NRXN3: variants seen among roughly 807,000 people sequenced by gnomAD.
NRXN3 encodes the protein neurexin III.
A neutral mutation model predicts 137.6 loss-of-function variants in NRXN3; 32 were observed. That is an observed-to-expected ratio of 0.23 (90% CI 0.18 to 0.31). The LOEUF (loss-of-function observed/expected upper bound fraction) is 0.31. Among genes scored for constraint, NRXN3 ranks in the 10% least tolerant of loss-of-function variants. NRXN3 has a pLI of 1.00. For synonymous variants in NRXN3, 798 were observed against 784.5 expected (o/e 1.02, Z -0.29); for missense variants, 1,574 against 2,062.5 (o/e 0.76, Z 4.59).
intron 4 of NRXN3, among the ~76,000 whole-genome samples, chr14:78,579,675 C>T (rs1181478536): frequency 1.3e-5 from 2 of 152,172 alleles, no homozygotes; most frequent in Non-Finnish European, 1.5e-5. Context: ...AAGTGCAAGT[C>T]TGTGGCTCCA....
At chr14:78,834,205 G>C (rs1048167416) in intron 10 of NRXN3, among the ~76,000 whole-genome samples, 1 of 152,068 alleles carries the variant, frequency 6.6e-6, no homozygotes, top group South Asian at 2.1e-4. Context: ...GGAAGCTTGA[G>C]GAAACATTTA....
intron 1 of NRXN3, among the ~76,000 whole-genome samples, chr14:78,202,989 G>A (rs781464709): frequency 6.6e-6 from 1 of 152,184 alleles, no homozygotes; most frequent in Non-Finnish European, 1.5e-5. Context: ...CCTGGTCGGG[G>A]CTACCATCCC....
intron 19 of NRXN3, among the ~76,000 whole-genome samples, chr14:79,756,555 T>TCAC (rs2099020258): frequency 6.6e-6 from 1 of 152,184 alleles, no homozygotes; most frequent in Non-Finnish European, 1.5e-5. Flanking sequence ...CATCAGCATG[T>TCAC]ACCAATTCCA....
intron 4 of NRXN3, among the ~76,000 whole-genome samples, chr14:78,529,581 T>C (rs904195515): frequency 6.6e-6 from 1 of 152,128 alleles, no homozygotes; most frequent in African/African-American, 2.4e-5. Context: ...TGATTCTACT[T>C]CTTTGTTTTG....
chr14:79,083,812 C>G (rs1327554626), intron 15 of NRXN3, among the ~76,000 whole-genome samples: 1 of 152,108 alleles, frequency 6.6e-6, no homozygotes, highest in Non-Finnish European at 1.5e-5. Context: ...TATTAAATCT[C>G]CTTTGGAAGG....
In NRXN3 at chr14:78,170,481, A is replaced by G. The variant is rs1460200479; in HGVS notation, c.-897A>G. 6.6e-6 allele frequency: 1 copy of G among 152,166 alleles called. No homozygotes were observed. The highest frequency in any genetic ancestry group is 1.5e-5 in the Non-Finnish European group (1 of 68,070). 9.4% of individuals were successfully genotyped at this position (152,166 alleles called of 1,614,324 possible). ...CTCAGCCTCGGCATCTCCAGCCACCAAGGACCTGCTTTTCGCACCTCCAAC... is the reference window on the plus strand; with the variant it reads ...CTCAGCCTCGGCATCTCCAGCCACCGAGGACCTGCTTTTCGCACCTCCAAC... On this transcript the variant is annotated 5_prime_UTR_variant, in exon 1 of 21. Coordinates refer to ENST00000335750, the MANE Select transcript of NRXN3 (RefSeq NM_001330195.2).
At chr14:78,466,566 C>T (rs2095113137) in intron 4 of NRXN3, among the ~76,000 whole-genome samples, 1 of 152,114 alleles carries the variant, frequency 6.6e-6, no homozygotes, top group African/African-American at 2.4e-5. Flanking sequence ...TGTGGAGAAC[C>T]TTGGATGCTT....
chr14:78,567,383 G>A (rs1354108770), intron 4 of NRXN3, among the ~76,000 whole-genome samples: 1 of 152,228 alleles, frequency 6.6e-6, no homozygotes, highest in Non-Finnish European at 1.5e-5. Flanking sequence ...TTGGATGAGA[G>A]AAGGACAAGA....
intron 16 of NRXN3, among the ~76,000 whole-genome samples, chr14:79,490,714 T>TA (rs549222879): frequency 3.0e-4 from 45 of 148,158 alleles, no homozygotes; most frequent in South Asian, 2.4e-3. Context: ...TAATGAGTAT[T>TA]AAAAAAAAAA....
intron 15 of NRXN3, among the ~76,000 whole-genome samples, chr14:79,084,353 A>T (rs2047662814): frequency 6.6e-6 from 1 of 152,200 alleles, no homozygotes; most frequent in African/African-American, 2.4e-5. Flanking sequence ...ACTGCATGAT[A>T]ATTTACAAAA....
chr14:79,402,048 C>G lies in NRXN3; in HGVS notation c.3263-65173C>G, dbSNP rs561930939. Reference sequence around the variant, plus strand: ...CCTCCCACCTCAGCTTACCAAGGAGCTAGGACTACAGGCATGTGCTGCAAC... The same window carrying G: ...CCTCCCACCTCAGCTTACCAAGGAGGTAGGACTACAGGCATGTGCTGCAAC... On this transcript the variant is annotated intron_variant, in intron 15 of 20. Coordinates refer to ENST00000335750, the MANE Select transcript of NRXN3 (RefSeq NM_001330195.2). 7.2e-5 allele frequency among the ~76,000 whole-genome samples: 11 copies of G among 152,140 alleles called. No individual in the cohort carries two copies. In the South Asian group the frequency reaches 2.1e-3, roughly 29 times the overall value.
chr14:78,935,315 T>G (rs547047907), intron 10 of NRXN3, among the ~76,000 whole-genome samples: 1 of 152,340 alleles, frequency 6.6e-6, no homozygotes, highest in Admixed American at 6.5e-5. Flanking sequence ...ACCTGCTGCA[T>G]CTGGCTCTGG....
chr14:79,230,223 G>T (rs896498433), intron 15 of NRXN3, among the ~76,000 whole-genome samples: 6 of 152,028 alleles, frequency 3.9e-5, no homozygotes, highest in East Asian at 1.9e-4. Flanking sequence ...TTGGGTAACG[G>T]TTTTGAAGAA....
chr14:79,383,307 A>G (rs1413255984), intron 15 of NRXN3, among the ~76,000 whole-genome samples: 1 of 151,966 alleles, frequency 6.6e-6, no homozygotes, highest in Non-Finnish European at 1.5e-5. Flanking sequence ...TAAGCATCTC[A>G]TTTTTATCTG....
chr14:78,238,220 AGT>A (rs1189211480), intron 1 of NRXN3, among the ~76,000 whole-genome samples: 4 of 151,966 alleles, frequency 2.6e-5, no homozygotes, highest in Non-Finnish European at 5.9e-5. Context: ...CCACATAAAA[AGT>A]GTGCCGTTCG....
chr14:78,581,706 C>T (rs1377210895), intron 4 of NRXN3, among the ~76,000 whole-genome samples: 3 of 152,204 alleles, frequency 2.0e-5, no homozygotes, highest in African/African-American at 7.2e-5. Context: ...ATTCCTTCCT[C>T]TGCTCTCTAA....
intron 15 of NRXN3, among the ~76,000 whole-genome samples, chr14:79,396,215 T>A (rs956474098): frequency 6.6e-6 from 1 of 152,094 alleles, no homozygotes; most frequent in Non-Finnish European, 1.5e-5. Flanking sequence ...TATTCATATA[T>A]GGAACATAAT....
chr14:78,304,203 G>A (rs1006997749), intron 4 of NRXN3, among the ~76,000 whole-genome samples: 2 of 152,156 alleles, frequency 1.3e-5, no homozygotes, highest in African/African-American at 4.8e-5. Flanking sequence ...TCCTCACTAA[G>A]GCCTTCTCTT....
chr14:79,096,870 A>G (rs1031884408), intron 15 of NRXN3, among the ~76,000 whole-genome samples: 2 of 152,100 alleles, frequency 1.3e-5, no homozygotes, highest in African/African-American at 4.8e-5. Context: ...TGTCGACCCC[A>G]TTCTGCCACT....
Sources: gnomAD v4.1 joint callset for allele counts (sites outside exome capture counted in the v4.1 genomes callset) on GRCh38, gnomAD v4.1.1 for gene constraint, MANE v1.5 for transcripts, NCBI Gene and HGNC (gene_info 2026-07-23, HGNC 2026-07-21) for gene names.